ATAT1: variants seen among roughly 807,000 people sequenced by gnomAD.
ATAT1 encodes the protein alpha-tubulin N-acetyltransferase 1.
Under a neutral mutation model 57.2 loss-of-function variants are expected in ATAT1, and 42 were observed. That is an observed-to-expected ratio of 0.73 (90% CI 0.57 to 0.95). The LOEUF is 0.95. Ranked by LOEUF, ATAT1 falls within the 40% of genes least tolerant of loss-of-function variation. The pLI is 0.00. For synonymous variants in ATAT1, 168 were observed against 187.1 expected (o/e 0.90, Z 0.83); for missense variants, 454 against 523.7 (o/e 0.87, Z 1.30).
chr6:30,643,152 A>G, intron 10 of ATAT1, 141 bp downstream of exon 10: 5 of 1,492,890 alleles, frequency 3.3e-6, no homozygotes, highest in South Asian at 1.4e-5. Flanking sequence ...TTCAAGAAAA[A>G]TATTTGTGCA....
Position 30,642,679 on chromosome 6 carries a change from CTCTT to C in ATAT1, c.689-87_689-84del, listed in dbSNP as rs555989369. ...AAAAAAAAAAGAAAGACTCAGATTTCTCTTTTTTTCTACCAAAACCTTTGCTGTC... is the reference window on the plus strand; with the variant it reads ...AAAAAAAAAAGAAAGACTCAGATTTCTTTTTCTACCAAAACCTTTGCTGTC... On this transcript the variant is annotated intron_variant, in intron 9 of 12. Transcript: ENST00000330083. 2.0e-4 allele frequency: 166 copies of C among 831,556 alleles called. No homozygotes were observed. The African/African-American group carries it at 2.6e-3, about 13-fold the overall frequency. The allele number at this position is 831,556 out of a possible 1,614,324, so 51.5% of individuals were successfully genotyped here.
At position 30,627,282 on chromosome 6, in the gene ATAT1, A is replaced by C; in HGVS notation, c.71+8A>C. On this transcript the variant is annotated splice_region_variant and intron_variant, in intron 1 of 12. Coordinates refer to ENST00000330083, the MANE Select transcript of ATAT1 (RefSeq NM_001031722.4). ...AGTGTGCCACCTTGAAAGGTGTGAC[A>C]GAAGTTTGGGTTTCAGAAGGGTGGG... is the stretch of plus-strand genomic sequence containing the variant. 1 of 1,613,876 alleles carries C rather than the reference A, an allele frequency of 6.2e-7. No individual in the cohort carries two copies. The highest frequency in any genetic ancestry group is 8.5e-7 in the Non-Finnish European group (1 of 1,179,866).
intron 6 of ATAT1, among the ~76,000 whole-genome samples, chr6:30,639,886 G>T (rs796999311): frequency 1.7e-4 from 26 of 152,022 alleles, no homozygotes; most frequent in African/African-American, 6.3e-4. Context: ...ATAATCCCAG[G>T]ACTTTTGGAG....
chr6:30,640,497 C>A, intron 7 of ATAT1, 38 bp from the exon 8 acceptor site: 2 of 1,612,630 alleles, frequency 1.2e-6, no homozygotes, highest in East Asian at 2.2e-5. Flanking sequence ...GTCCTGCCGA[C>A]CCCTCACTGA....
chr6:30,642,831 C>CGGGG lies in ATAT1; in HGVS notation c.752_753insGGGG (p.Ala252GlyfsTer49). 2.1e-5 allele frequency: 33 copies of CGGGG among 1,582,986 alleles called. No homozygotes were observed. The highest frequency in any genetic ancestry group is 6.9e-5 in the East Asian group (3 of 43,566). ...AGGGCCCCTCGCCGCGCCACACCTCCAGCCCACCCACCCCCCCGCTCCAGC... is the reference window on the plus strand; with the variant it reads ...AGGGCCCCTCGCCGCGCCACACCTCCGGGGAGCCCACCCACCCCCCCGCTCCAGC... On this transcript the variant is annotated frameshift_variant, in exon 10 of 13. Coordinates refer to ENST00000330083, the MANE Select transcript of ATAT1 (RefSeq NM_001031722.4). LOFTEE classifies it high-confidence loss of function.
intron 6 of ATAT1, among the ~76,000 whole-genome samples, chr6:30,636,461 C>T (rs1443691928): frequency 6.6e-6 from 1 of 152,086 alleles, no homozygotes; most frequent in Admixed American, 6.6e-5. Flanking sequence ...TGGCAGGCGC[C>T]TGTAGTCCCA....
At chr6:30,642,136 C>T (rs1204419314) in intron 8 of ATAT1, 40 bp from the exon 9 acceptor site, 5 of 1,613,684 alleles carry the variant, frequency 3.1e-6, no homozygotes, top group Non-Finnish European at 4.2e-6. Context: ...CAAAGTATGT[C>T]TCCTAACGCT....
At chr6:30,643,819 A>C in intron 10 of ATAT1, 1 of 1,327,412 alleles carries the variant, frequency 7.5e-7, no homozygotes, top group Non-Finnish European at 9.6e-7. Context: ...AGGAAGTCTG[A>C]TCTGTTGCCA....
chr6:30,634,255 A>AT (rs925821876), intron 6 of ATAT1, among the ~76,000 whole-genome samples: 17 of 149,100 alleles, frequency 1.1e-4, no homozygotes, highest in East Asian at 2.0e-4. Flanking sequence ...TGTTAGGGTC[A>AT]TTTTTTTTTT....
At chr6:30,639,475 C>CT (rs1435189794) in intron 6 of ATAT1, among the ~76,000 whole-genome samples, 1 of 148,748 alleles carries the variant, frequency 6.7e-6, no homozygotes, top group East Asian at 2.0e-4. Flanking sequence ...TTTTCACTTT[C>CT]TTTCTTTTTT....
At chr6:30,640,195 T>C (rs1048169112) in intron 6 of ATAT1, among the ~76,000 whole-genome samples, 182 bp from the exon 7 acceptor site, 10 of 152,108 alleles carry the variant, frequency 6.6e-5, no homozygotes, top group African/African-American at 2.4e-4. Context: ...TGTACAGGTT[T>C]GTAGCCTAGG....
In ATAT1 at chr6:30,626,941, A is replaced by G; in HGVS notation, c.-263A>G. 1 of 1,609,130 alleles carries G rather than the reference A, an allele frequency of 6.2e-7. No homozygotes were observed. The highest frequency in any genetic ancestry group is 1.7e-4 in the Middle Eastern group (1 of 6,052). ...TTCCCGGAGCGGATCACGGTGCTGG[A>G]CCAGCACCTGAGGCCCCCAGCCCGC... On this transcript the variant is annotated 5_prime_UTR_variant, in exon 1 of 13. Coordinates refer to ENST00000330083, the MANE Select transcript of ATAT1 (RefSeq NM_001031722.4).
intron 8 of ATAT1, chr6:30,641,704 A>C: frequency 8.3e-6 from 7 of 840,562 alleles, no homozygotes; most frequent in Non-Finnish European, 1.0e-5. Context: ...TATAGGAAGG[A>C]GAGATTGTGC....
Position 30,642,833 on chromosome 6 carries a change from G to GGGGGGGGGGGCGC in ATAT1, c.754_755insGGGGGGGGGGCGC (p.Ala252GlyfsTer52). ...GGCCCCTCGCCGCGCCACACCTCCAGCCCACCCACCCCCCCGCTCCAGCAG... is the reference window on the plus strand; with the variant it reads ...GGCCCCTCGCCGCGCCACACCTCCAGGGGGGGGGGGCGCCCCACCCACCCCCCCGCTCCAGCAG... On this transcript the variant is annotated frameshift_variant, in exon 10 of 13. Coordinates refer to ENST00000330083, the MANE Select transcript of ATAT1 (RefSeq NM_001031722.4). LOFTEE classifies it high-confidence loss of function. The GGGGGGGGGGGCGC allele has an allele frequency of 1.3e-6, 2 of 1,537,870 alleles. No individual in the cohort carries two copies. Among genetic ancestry groups the GGGGGGGGGGGCGC allele is most frequent in the Non-Finnish European group, 1.7e-6 (2 of 1,145,778 alleles).
In ATAT1 at chr6:30,628,162, C is replaced by T. The variant is rs1280751453; in HGVS notation, c.399+17C>T. 1 of 1,604,242 alleles carries T rather than the reference C, an allele frequency of 6.2e-7. No homozygotes were observed. The highest frequency in any genetic ancestry group is 1.3e-5 in the African/African-American group (1 of 74,694). ...ATGTTGCAGGTATCACTGACCTCTT[C>T]ACTGGTTCATCCAAACTAGGGGCTC... is the stretch of plus-strand genomic sequence containing the variant. On this transcript the variant is annotated intron_variant, in intron 5 of 12. Transcript: ENST00000330083.
At chr6:30,644,292 C>G in intron 10 of ATAT1, 1 of 985,834 alleles carries the variant, frequency 1.0e-6, no homozygotes, top group Non-Finnish European at 1.2e-6. Context: ...TCCAGAGTGT[C>G]AAGGATCTGT....
chr6:30,627,088 C>A lies in ATAT1; in HGVS notation c.-116C>A. 1.3e-6 allele frequency: 2 copies of A among 1,557,782 alleles called. No homozygotes were observed. The highest frequency in any genetic ancestry group is 1.9e-5 in the Admixed American group (1 of 51,566). ...CCCCTTCTCACTGACTAGTGATCGC[C>A]CCTTTTGATGTCCAGGCCTGCCTTT... On this transcript the variant is annotated 5_prime_UTR_variant, in exon 1 of 13. Coordinates refer to ENST00000330083, the MANE Select transcript of ATAT1 (RefSeq NM_001031722.4).
At position 30,642,833 on chromosome 6, in the gene ATAT1, G is replaced by GGGGGCCCGCCCCCCCC; in HGVS notation, c.754_755insGGGGCCCGCCCCCCCC (p.Ala252GlyfsTer53). ...GGCCCCTCGCCGCGCCACACCTCCAGCCCACCCACCCCCCCGCTCCAGCAG... is the reference window on the plus strand; with the variant it reads ...GGCCCCTCGCCGCGCCACACCTCCAGGGGGCCCGCCCCCCCCCCCACCCACCCCCCCGCTCCAGCAG... On this transcript the variant is annotated frameshift_variant, in exon 10 of 13. Coordinates refer to ENST00000330083, the MANE Select transcript of ATAT1 (RefSeq NM_001031722.4). LOFTEE classifies it high-confidence loss of function. 6.5e-7 allele frequency: 1 copy of GGGGGCCCGCCCCCCCC among 1,537,878 alleles called. No individual in the cohort carries two copies. The highest frequency in any genetic ancestry group is 8.7e-7 in the Non-Finnish European group (1 of 1,145,784).
rs1170995947 is a variant in ATAT1 at position 30,626,878 on chromosome 6, A to T, written c.-326A>T. ...GTGTGGGGCGGGTCCGACCGCGCAC[A>T]ATGGGCCATGGAGTTCCCGTTCGAT... On this transcript the variant is annotated 5_prime_UTR_variant, in exon 1 of 13. Coordinates refer to ENST00000330083, the MANE Select transcript of ATAT1 (RefSeq NM_001031722.4). 1.2e-6 allele frequency: 2 copies of T among 1,603,374 alleles called. No homozygotes were observed. The highest frequency in any genetic ancestry group is 1.1e-5 in the South Asian group (1 of 89,652).
Sources: gnomAD v4.1 joint callset for allele counts (sites outside exome capture counted in the v4.1 genomes callset) on GRCh38, gnomAD v4.1.1 for gene constraint, MANE v1.5 for transcripts, NCBI Gene and HGNC (gene_info 2026-07-23, HGNC 2026-07-21) for gene names.